ENTPD1: variants seen among roughly 807,000 people sequenced by gnomAD.
The protein encoded by ENTPD1 is ectonucleoside triphosphate diphosphohydrolase 1.
Under a neutral mutation model 57.0 loss-of-function variants are expected in ENTPD1, and 33 were observed. The observed-to-expected ratio is 0.58, with a 90% CI of 0.44 to 0.77. ENTPD1 has a LOEUF of 0.77. Among genes scored for constraint, ENTPD1 ranks in the 30% least tolerant of loss-of-function variants. The pLI, the probability that ENTPD1 is intolerant of heterozygous loss-of-function variation, is 0.00. For missense variants in ENTPD1, 501 were observed against 603.4 expected, an observed-to-expected ratio of 0.83 and a Z score of 1.78; for synonymous variants, 202 against 218.8, an observed-to-expected ratio of 0.92 and a Z score of 0.68.
chr10:95,739,368 C>T (rs987766026), intron 1 of ENTPD1, among the ~76,000 whole-genome samples: 12 of 152,224 alleles, frequency 7.9e-5, no homozygotes, highest in Non-Finnish European at 1.3e-4. Flanking sequence ...TGGTGTCAGT[C>T]CTCTCAAGCC....
At chr10:95,815,107 G>A (rs578028696) in intron 1 of ENTPD1, among the ~76,000 whole-genome samples, 1 of 152,332 alleles carries the variant, frequency 6.6e-6, no homozygotes, top group African/African-American at 2.4e-5. Flanking sequence ...ATCCTTGAAT[G>A]TGACTCTGGA....
chr10:95,776,273 C>G (rs2098133567), intron 1 of ENTPD1, among the ~76,000 whole-genome samples: 1 of 152,170 alleles, frequency 6.6e-6, no homozygotes, highest in Admixed American at 6.5e-5. Context: ...GCAGTGGTTG[C>G]TACCGGTTGT....
chr10:95,823,104 T>C (rs767270944), intron 1 of ENTPD1, 133 bp from the exon 2 acceptor site: 18 of 1,023,432 alleles, frequency 1.8e-5, no homozygotes, highest in African/African-American at 4.8e-5. Context: ...AAGTACCTCA[T>C]TGATAAAAAA....
At chr10:95,831,707 CT>C (rs1306260544) in intron 2 of ENTPD1, among the ~76,000 whole-genome samples, 1 of 152,242 alleles carries the variant, frequency 6.6e-6, no homozygotes, top group East Asian at 1.9e-4. Flanking sequence ...CCTGCCTGAC[CT>C]AGTTTGGGTT....
At chr10:95,849,515 A>G (rs961359281) in intron 7 of ENTPD1, among the ~76,000 whole-genome samples, 1 of 152,212 alleles carries the variant, frequency 6.6e-6, no homozygotes, top group Non-Finnish European at 1.5e-5. Flanking sequence ...ACAAAGCTCT[A>G]GAAGAGAACA....
chr10:95,857,277 TTTG>T (rs2098456814), intron 7 of ENTPD1, among the ~76,000 whole-genome samples: 1 of 152,158 alleles, frequency 6.6e-6, no homozygotes, highest in Non-Finnish European at 1.5e-5. Flanking sequence ...CTCATAGAAA[TTTG>T]TTGTTTGTTG....
In ENTPD1 at chr10:95,730,216, C is replaced by CT. The variant is rs1218174016; in HGVS notation, c.37+18227dup. 1.3e-4 allele frequency among the ~76,000 whole-genome samples: 20 copies of CT among 150,708 alleles called. No individual in the cohort carries two copies. In the East Asian group the frequency reaches 3.7e-3, roughly 28 times the overall value. On this transcript the variant is annotated intron_variant, in intron 1 of 9. Transcript: ENST00000453258. Reference sequence around the variant, plus strand: ...ACCACACCTCATTAATTTCTGTGTTCTTTTGTTTTTTTTTTTTTGTTACAG... The same window carrying CT: ...ACCACACCTCATTAATTTCTGTGTTCTTTTTGTTTTTTTTTTTTTGTTACAG...
At chr10:95,753,507 G>C (rs1411673714), upstream of ENTPD1, 1 of 152,170 alleles carries the variant, frequency 6.6e-6, no homozygotes, top group Non-Finnish European at 1.5e-5. Context: ...TATTTATGAA[G>C]TGCTAGTTAC....
chr10:95,764,427 C>T (rs1437327873), intron 1 of ENTPD1, among the ~76,000 whole-genome samples: 1 of 152,142 alleles, frequency 6.6e-6, no homozygotes, highest in Non-Finnish European at 1.5e-5. Context: ...TGCTGGGTCA[C>T]TTGTATGTCT....
intron 1 of ENTPD1, among the ~76,000 whole-genome samples, chr10:95,773,847 C>T (rs1274796239): frequency 2.6e-5 from 4 of 152,074 alleles, no homozygotes; most frequent in African/African-American, 9.7e-5. Flanking sequence ...GGGTAGATAC[C>T]CAGTAATGGG....
upstream of ENTPD1, chr10:95,756,029 C>T (rs1345570836): frequency 3.4e-6 from 5 of 1,468,508 alleles, no homozygotes; most frequent in African/African-American, 4.3e-5. Context: ...TGCTGGACTC[C>T]TCAGTCAATC....
At chr10:95,699,948 T>C in the ENTPD1 span, among the ~76,000 whole-genome samples, 52 of 152,012 alleles carry the variant, frequency 3.4e-4, no homozygotes, top group Non-Finnish European at 4.4e-5. Flanking sequence ...CGATAGCAAG[T>C]AAGAGAGAAG....
chr10:95,824,258 TA>T (rs2098365399), intron 2 of ENTPD1, among the ~76,000 whole-genome samples: 2 of 152,212 alleles, frequency 1.3e-5, no homozygotes, highest in African/African-American at 2.4e-5. Flanking sequence ...GGCAGTAATA[TA>T]TCTAGAAGTT....
chr10:95,851,272 G>C (rs2098444563), intron 7 of ENTPD1, among the ~76,000 whole-genome samples: 1 of 151,278 alleles, frequency 6.6e-6, no homozygotes, highest in Non-Finnish European at 1.5e-5. Context: ...ATTTTTGTTG[G>C]TACAAAAGTA....
intron 1 of ENTPD1, among the ~76,000 whole-genome samples, chr10:95,740,871 C>T (rs2097999684): frequency 6.6e-6 from 1 of 152,180 alleles, no homozygotes; most frequent in Admixed American, 6.5e-5. Flanking sequence ...CCTTTCTCAG[C>T]CTTCATAGAA....
At chr10:95,768,509 T>TCTCC (rs1207437568) in intron 1 of ENTPD1, among the ~76,000 whole-genome samples, 1 of 151,050 alleles carries the variant, frequency 6.6e-6, no homozygotes, top group Non-Finnish European at 1.5e-5. Flanking sequence ...TCTTTCTTTC[T>TCTCC]CTCTCTCTTT....
chr10:95,743,997 CATATATAT>C (rs57187898), intron 1 of ENTPD1, among the ~76,000 whole-genome samples: 2,452 of 80,978 alleles, frequency 0.03, 85 homozygotes, highest in Middle Eastern at 0.096. Flanking sequence ...TATTTTAAAC[CATATATAT>C]ATATATATAT....
At chr10:95,771,532 A>G (rs981982664) in intron 1 of ENTPD1, among the ~76,000 whole-genome samples, 9 of 152,098 alleles carry the variant, frequency 5.9e-5, no homozygotes, top group Non-Finnish European at 1.5e-5. Context: ...TTTTTGAAAG[A>G]GCCCCTCTCC....
intron 1 of ENTPD1, among the ~76,000 whole-genome samples, chr10:95,787,083 G>T (rs567677044): frequency 1.3e-5 from 2 of 152,220 alleles, no homozygotes; most frequent in African/African-American, 4.8e-5. Context: ...TTCAATTTAG[G>T]TAATGAGCTA....
Sources: allele counts gnomAD v4.1 joint callset (sites outside exome capture counted in the v4.1 genomes callset), GRCh38; gene constraint gnomAD v4.1.1; transcripts MANE v1.5; gene names NCBI Gene and HGNC (gene_info 2026-07-23, HGNC 2026-07-21).